AGMO: variants seen among roughly 807,000 people sequenced by gnomAD.
The protein encoded by AGMO is alkylglycerol monooxygenase, also known as glyceryl-ether monooxygenase.
Under a neutral mutation model 60.2 loss-of-function variants are expected in AGMO, and 75 were observed. That is an observed-to-expected ratio of 1.25 (90% CI 1.03 to 1.51). The LOEUF is 1.51. Among genes scored for constraint, AGMO ranks in the 40% most tolerant of loss-of-function variants. The pLI is 0.00. For synonymous variants in AGMO, 261 were observed against 177.1 expected, an observed-to-expected ratio of 1.47 and a Z score of -3.76; for missense variants, 763 against 525.5, an observed-to-expected ratio of 1.45 and a Z score of -4.42.
intron 12 of AGMO, among the ~76,000 whole-genome samples, chr7:15,279,103 T>C (rs960266999): frequency 6.6e-6 from 1 of 152,294 alleles, no homozygotes; most frequent in Middle Eastern, 3.4e-3. Context: ...GCAATGCCTG[T>C]GTACAGTCTT....
chr7:15,385,738 A>G (rs1015658854), intron 9 of AGMO, among the ~76,000 whole-genome samples, 176 bp from the exon 10 acceptor site: 1 of 152,214 alleles, frequency 6.6e-6, no homozygotes, highest in African/African-American at 2.4e-5. Context: ...TGAAAGCATT[A>G]CAATTATGAC....
At chr7:15,392,351 G>C (rs1444027070) in intron 6 of AGMO, among the ~76,000 whole-genome samples, 1 of 152,052 alleles carries the variant, frequency 6.6e-6, no homozygotes, top group Non-Finnish European at 1.5e-5. Flanking sequence ...GATTACAGGC[G>C]TGAGTCAACA....
At chr7:15,337,762 C>A (rs1038259117) in intron 12 of AGMO, among the ~76,000 whole-genome samples, 2 of 152,174 alleles carry the variant, frequency 1.3e-5, no homozygotes. Flanking sequence ...CTGAGTGCAG[C>A]GACTGCTGAG....
chr7:15,475,948 ATGC>A (rs1475772385), intron 3 of AGMO, among the ~76,000 whole-genome samples: 5 of 152,102 alleles, frequency 3.3e-5, no homozygotes, highest in Non-Finnish European at 7.4e-5. Flanking sequence ...TAGGGTAGAA[ATGC>A]TTCCAAATCA....
chr7:15,464,463 T>C (rs1782226062), intron 3 of AGMO, among the ~76,000 whole-genome samples: 1 of 152,196 alleles, frequency 6.6e-6, no homozygotes, highest in South Asian at 2.1e-4. Flanking sequence ...AAATCACTTT[T>C]TAAACAAGTA....
At chr7:15,484,225 GC>G (rs1387336622) in intron 3 of AGMO, among the ~76,000 whole-genome samples, 3 of 151,988 alleles carry the variant, frequency 2.0e-5, no homozygotes, top group Non-Finnish European at 2.9e-5. Flanking sequence ...TGAAGTAGAG[GC>G]AGAGTAAAGA....
At chr7:15,500,879 C>A (rs1279219135) in intron 3 of AGMO, among the ~76,000 whole-genome samples, 2 of 151,454 alleles carry the variant, frequency 1.3e-5, no homozygotes, top group South Asian at 2.1e-4. Context: ...GAGATTCTGG[C>A]ATGTTGTATA....
chr7:15,314,884 G>A (rs1780870164), intron 12 of AGMO, among the ~76,000 whole-genome samples: 1 of 152,128 alleles, frequency 6.6e-6, no homozygotes, highest in East Asian at 1.9e-4. Context: ...AAAAAGATGT[G>A]ACATAAGGGA....
chr7:15,492,748 G>T (rs897341897), intron 3 of AGMO, among the ~76,000 whole-genome samples: 4 of 152,038 alleles, frequency 2.6e-5, no homozygotes, highest in African/African-American at 9.7e-5. Context: ...TATCCATGTT[G>T]ATTAAAGGAA....
At position 15,202,377 on chromosome 7, in the gene AGMO, A is replaced by C. The variant is rs367570920; in HGVS notation, c.1264-1018T>G. ...ACTGAGGACAGCTGTTAACTCACAG[A>C]AAATACCTTGAACTATGCTGATTTT... is the stretch of plus-strand genomic sequence containing the variant. On this transcript the variant is annotated intron_variant, in intron 12 of 12. Coordinates refer to ENST00000342526, the MANE Select transcript of AGMO (RefSeq NM_001004320.2). Among the ~76,000 whole-genome samples, 13 of 150,220 alleles carry C rather than the reference A, an allele frequency of 8.7e-5. No homozygotes were observed. In the East Asian group the frequency reaches 2.6e-3, roughly 30 times the overall value.
intron 12 of AGMO, among the ~76,000 whole-genome samples, chr7:15,246,051 A>T (rs1344400060): frequency 7.1e-6 from 1 of 141,154 alleles, no homozygotes; most frequent in African/African-American, 3.2e-5. Context: ...CTGAAGGCTT[A>T]AAAAAAAGCT....
chr7:15,544,975 T>A lies in AGMO; in HGVS notation c.258-52A>T, dbSNP rs778628177. 144 of 1,289,746 alleles carry A rather than the reference T, an allele frequency of 1.1e-4. No homozygotes were observed. The African/African-American group carries it at 1.9e-3, about 17-fold the overall frequency. The allele number at this position is 1,289,746 out of a possible 1,614,324, so 79.9% of individuals were successfully genotyped here. ...ATTATATAACATTTTAGAAAAAAAA[T>A]TACGCTAAAATGTTTTAGATAACAT... On this transcript the variant is annotated intron_variant, in intron 2 of 12. Coordinates refer to ENST00000342526, the MANE Select transcript of AGMO (RefSeq NM_001004320.2).
chr7:15,328,630 C>A (rs989983643), intron 12 of AGMO, among the ~76,000 whole-genome samples: 11 of 152,134 alleles, frequency 7.2e-5, no homozygotes, highest in African/African-American at 2.7e-4. Context: ...TTAAGGGTTT[C>A]AGAGGACAGA....
At chr7:15,131,944 T>C in the AGMO span, among the ~76,000 whole-genome samples, 1 of 151,994 alleles carries the variant, frequency 6.6e-6, no homozygotes, top group Admixed American at 6.6e-5. Context: ...ATAAAAATTC[T>C]GAATCCACTC....
chr7:15,492,607 TTTATTA>T (rs35755542), intron 3 of AGMO, among the ~76,000 whole-genome samples: 2 of 149,750 alleles, frequency 1.3e-5, no homozygotes, highest in African/African-American at 4.9e-5. Context: ...TGAGGAGGTT[TTTATTA>T]TTATTATTAT....
intron 6 of AGMO, among the ~76,000 whole-genome samples, chr7:15,393,524 G>A (rs1038634041): frequency 6.6e-6 from 1 of 152,118 alleles, no homozygotes; most frequent in African/African-American, 2.4e-5. Context: ...AAATAATGAT[G>A]ATATGCACAT....
chr7:15,523,902 G>A (rs1784061434), intron 3 of AGMO, among the ~76,000 whole-genome samples: 1 of 151,954 alleles, frequency 6.6e-6, no homozygotes, highest in Non-Finnish European at 1.5e-5. Context: ...TTAACTACAT[G>A]GTATGGTCAT....
intron 3 of AGMO, among the ~76,000 whole-genome samples, chr7:15,512,407 C>T (rs1238310949): frequency 6.6e-6 from 1 of 152,144 alleles, no homozygotes; most frequent in Non-Finnish European, 1.5e-5. Flanking sequence ...CGAATACCAC[C>T]ATGCCTGGCT....
At chr7:15,269,410 A>G (rs767424635) in intron 12 of AGMO, among the ~76,000 whole-genome samples, 19 of 152,070 alleles carry the variant, frequency 1.2e-4, no homozygotes, top group Non-Finnish European at 2.6e-4. Context: ...AATGATGGAC[A>G]AGGATTCCCG....
Sources: allele counts gnomAD v4.1 joint callset (sites outside exome capture counted in the v4.1 genomes callset), GRCh38; gene constraint gnomAD v4.1.1; transcripts MANE v1.5; gene names NCBI Gene and HGNC (gene_info 2026-07-23, HGNC 2026-07-21).